SVBP: variants seen among roughly 807,000 people sequenced by gnomAD.
SVBP encodes small vasohibin-binding protein.
SVBP carries 9 observed loss-of-function variants against 9.2 expected under a neutral mutation model. The observed-to-expected ratio is 0.98, with a 90% CI of 0.59 to 1.71. The LOEUF is 1.71. Ranked by LOEUF, SVBP falls within the 40% of genes most tolerant of loss-of-function variation. The probability of loss-of-function intolerance (pLI) is 0.00; values close to 1 mark genes in which losing one functional copy is unlikely to be tolerated. For synonymous variants in SVBP, 27 were observed against 23.9 expected (o/e 1.13, Z -0.37); for missense variants, 63 against 73.2 (o/e 0.86, Z 0.51).
At chr1:42,809,481 G>A (rs1654033726) in intron 2 of SVBP, among the ~76,000 whole-genome samples, 1 of 152,118 alleles carries the variant, frequency 6.6e-6, no homozygotes, top group South Asian at 2.1e-4. Flanking sequence ...ATAAAAGGGA[G>A]TGGGCACAAA....
chr1:42,808,184 C>G (rs1481000658), intron 2 of SVBP, among the ~76,000 whole-genome samples: 1 of 98,984 alleles, frequency 1.0e-5, no homozygotes, highest in South Asian at 4.2e-4. Context: ...TATATACATA[C>G]TATGTATAGT....
intron 2 of SVBP, among the ~76,000 whole-genome samples, chr1:42,810,258 T>C (rs1268558178): frequency 6.6e-6 from 1 of 152,024 alleles, no homozygotes; most frequent in East Asian, 1.9e-4. Flanking sequence ...AGCAATTCCC[T>C]TGCCTCAGCC....
rs199697064 is a variant in SVBP at position 42,807,169 on chromosome 1, T to TA, written c.*244dup. Reference sequence around the variant, plus strand: ...TTTGTGTGTGTTTTTTTTTTTTTTTTAAAAAAACCCAAAAAACAAAACCAC... The same window carrying TA: ...TTTGTGTGTGTTTTTTTTTTTTTTTTAAAAAAAACCCAAAAAACAAAACCAC... On this transcript the variant is annotated 3_prime_UTR_variant, in exon 3 of 3. Coordinates refer to ENST00000372521, the MANE Select transcript of SVBP (RefSeq NM_199342.4). 0.012 allele frequency: 3,092 copies of TA among 268,562 alleles called. 99 individuals carry two copies. The East Asian group carries it at 0.12, about 11-fold the overall frequency. 16.6% of individuals were successfully genotyped at this position (268,562 alleles called of 1,614,324 possible). A position where few individuals can be genotyped will look rare whatever the true frequency, so the allele number is the denominator to read the frequency against.
At chr1:42,816,718 T>C (rs1394524991) in intron 1 of SVBP, 138 bp from the exon 2 acceptor site, 1 of 561,488 alleles carries the variant, frequency 1.8e-6, no homozygotes, top group South Asian at 2.2e-5. Context: ...GGGCGCTGGA[T>C]GTGGGGGAGT....
At chr1:42,816,395 G>A in intron 2 of SVBP, 36 bp downstream of exon 2, 5 of 1,393,410 alleles carry the variant, frequency 3.6e-6, no homozygotes, top group African/African-American at 1.4e-5. Context: ...ATCTCCAGCA[G>A]ACTACAGGCA....
chr1:42,808,850 C>T (rs768317293), intron 2 of SVBP, among the ~76,000 whole-genome samples: 5 of 152,170 alleles, frequency 3.3e-5, no homozygotes, highest in Non-Finnish European at 7.4e-5. Flanking sequence ...GTGCCCGCCA[C>T]CAAACCCGGC....
intron 2 of SVBP, among the ~76,000 whole-genome samples, chr1:42,810,974 T>C (rs1357152367): frequency 2.0e-5 from 3 of 152,114 alleles, no homozygotes; most frequent in Non-Finnish European, 4.4e-5. Context: ...AGTCCATCTC[T>C]ACTAAAAATA....
chr1:42,816,906 G>T, intron 1 of SVBP: 1 of 189,406 alleles, frequency 5.3e-6, no homozygotes, highest in Non-Finnish European at 1.1e-5. Context: ...CCACTGTGCG[G>T]CGTGCGGCAC....
At chr1:42,810,668 G>A (rs138710528) in intron 2 of SVBP, among the ~76,000 whole-genome samples, 1 of 152,114 alleles carries the variant, frequency 6.6e-6, no homozygotes, top group African/African-American at 2.4e-5. Flanking sequence ...AGAAGGAAAC[G>A]GACCCTAGCA....
intron 2 of SVBP, among the ~76,000 whole-genome samples, chr1:42,812,038 T>C (rs1654094359): frequency 6.6e-6 from 1 of 151,166 alleles, no homozygotes; most frequent in Non-Finnish European, 1.5e-5. Flanking sequence ...GACAATATCC[T>C]TGGATTTAAA....
intron 2 of SVBP, among the ~76,000 whole-genome samples, chr1:42,810,121 TACATACACACACAC>T (rs1654049393): frequency 2.2e-5 from 3 of 137,856 alleles, no homozygotes; most frequent in Admixed American, 7.0e-5. Flanking sequence ...CACACATACA[TACATACACACACAC>T]ACACACACAC....
At position 42,812,127 on chromosome 1, in the gene SVBP, C is replaced by T. The variant is rs1024288808; in HGVS notation, c.114+4304G>A. On this transcript the variant is annotated intron_variant, in intron 2 of 2. Transcript: ENST00000372521. ...CCAATCTCTTTTAATAAATCCAGCACATTACAGTGGTATAAATTTATCTTT... is the reference window on the plus strand; with the variant it reads ...CCAATCTCTTTTAATAAATCCAGCATATTACAGTGGTATAAATTTATCTTT... Among the ~76,000 whole-genome samples, 10 of 151,864 alleles carry T rather than the reference C, an allele frequency of 6.6e-5. 1 individual carries two copies. Among genetic ancestry groups the T allele is most frequent in the Admixed American group, 6.6e-4 (10 of 15,258 alleles).
chr1:42,817,346 A>T lies in SVBP; in HGVS notation c.-193T>A. On this transcript the variant is annotated 5_prime_UTR_variant, in exon 1 of 3. Coordinates refer to ENST00000372521, the MANE Select transcript of SVBP (RefSeq NM_199342.4). ...GGCCGCGCGCCGGGGGGAGGGGCGCAGGGCCGAGCGCCAGGAGGCTTCCGC... is the reference window on the plus strand; with the variant it reads ...GGCCGCGCGCCGGGGGGAGGGGCGCTGGGCCGAGCGCCAGGAGGCTTCCGC... 2 of 853,198 alleles carry T rather than the reference A, an allele frequency of 2.3e-6. No individual in the cohort carries two copies. Among genetic ancestry groups the T allele is most frequent in the Non-Finnish European group, 3.0e-6 (2 of 671,932 alleles). The allele number at this position is 853,198 out of a possible 1,614,324, so 52.9% of individuals were successfully genotyped here.
chr1:42,809,308 A>G (rs1654031274), intron 2 of SVBP, among the ~76,000 whole-genome samples: 1 of 152,166 alleles, frequency 6.6e-6, no homozygotes, highest in Non-Finnish European at 1.5e-5. Context: ...GGAAGGGGGA[A>G]AAAATGAAAC....
chr1:42,814,168 G>A lies in SVBP; in HGVS notation c.114+2263C>T, dbSNP rs548002962. On this transcript the variant is annotated intron_variant, in intron 2 of 2. Transcript: ENST00000372521. ...CAGTGGCACAATCTCGGCAACCTCC[G>A]TCTCCTGGGTTCAAGCAATTCTCCT... is the stretch of plus-strand genomic sequence containing the variant. Among the ~76,000 whole-genome samples the A allele has an allele frequency of 3.0e-3, 442 of 148,596 alleles. 1 individual carries two copies. Among genetic ancestry groups the A allele is most frequent in the African/African-American group, 0.011 (427 of 40,006 alleles).
rs370680427 is a variant in SVBP, at chr1:42,816,563, T to G, written c.-19A>C. 1.3e-6 allele frequency: 2 copies of G among 1,541,650 alleles called. No individual in the cohort carries two copies. Among genetic ancestry groups the G allele is most frequent in the African/African-American group, 2.7e-5 (2 of 73,596 alleles). On this transcript the variant is annotated 5_prime_UTR_variant, in exon 2 of 3. Transcript: ENST00000372521. ...GATCCATGGCTTGACTTCTGGATATTTCTTAGGAGGCTCTGATCTGGGTGG... is the reference window on the plus strand; with the variant it reads ...GATCCATGGCTTGACTTCTGGATATGTCTTAGGAGGCTCTGATCTGGGTGG...
At chr1:42,814,225 G>GT (rs111785516) in intron 2 of SVBP, among the ~76,000 whole-genome samples, 1 of 150,242 alleles carries the variant, frequency 6.7e-6, no homozygotes, top group African/African-American at 2.4e-5. Context: ...GGGACTACAG[G>GT]GAGCACCACC....
In SVBP at chr1:42,807,497, A is replaced by T; in HGVS notation, c.118T>A (p.Tyr40Asn). Residue 40 changes from tyrosine (Y) to asparagine (N), a missense_variant, in exon 3 of 3, where the codon TAT becomes AAT. Tyr to Asn is a moderately radical substitution (Grantham distance 143). Transcript: ENST00000372521. ...TCTGTCATGACTCTGTTGAGGGCAT[A>T]GATCTGAATGAGAGAAAGAGATACA... is the stretch of plus-strand genomic sequence containing the variant. ...ELKQRQRAEI[Y>N]ALNRVMTELE... is the part of the protein sequence containing the mutation. 1 of 1,612,330 alleles carries T rather than the reference A, an allele frequency of 6.2e-7. No homozygotes were observed. Among genetic ancestry groups the T allele is most frequent in the Non-Finnish European group, 8.5e-7 (1 of 1,178,394 alleles).
At chr1:42,813,105 C>T (rs1441897835) in intron 2 of SVBP, among the ~76,000 whole-genome samples, 2 of 152,044 alleles carry the variant, frequency 1.3e-5, no homozygotes, top group Non-Finnish European at 2.9e-5. Flanking sequence ...TACTAATTTG[C>T]TAAGAAGGAG....
Sources: gnomAD v4.1 joint callset for allele counts (sites outside exome capture counted in the v4.1 genomes callset) on GRCh38, gnomAD v4.1.1 for gene constraint, MANE v1.5 for transcripts, NCBI Gene and HGNC (gene_info 2026-07-23, HGNC 2026-07-21) for gene names.